TNRC18: variants seen among roughly 807,000 people sequenced by gnomAD.
TNRC18 encodes the protein trinucleotide repeat containing 18, also known as trinucleotide repeat-containing gene 18 protein.
TNRC18 carries 69 observed loss-of-function variants against 226.7 expected under a neutral mutation model. The observed-to-expected ratio is 0.30, with a 90% CI of 0.25 to 0.37. The LOEUF (loss-of-function observed/expected upper bound fraction) is 0.37, where lower values mean the gene tolerates loss of function less well. Among genes scored for constraint, TNRC18 ranks in the 10% least tolerant of loss-of-function variants. The pLI is 1.00. For missense variants in TNRC18, 4,754 were observed against 4,256.6 expected (o/e 1.12, Z -3.25); for synonymous variants, 2,449 against 1,927.6 (o/e 1.27, Z -7.09).
At chr7:5,363,731 G>A (rs374084074) in intron 11 of TNRC18, among the ~76,000 whole-genome samples, 25 of 152,152 alleles carry the variant, frequency 1.6e-4, no homozygotes, top group Admixed American at 1.0e-3. Flanking sequence ...AAAGACCGAA[G>A]GGTTCTTTCC....
In TNRC18 at chr7:5,316,042, A is replaced by G. The variant is rs991270078; in HGVS notation, c.6776T>C (p.Leu2259Ser). The change falls in exon 25 of 30, where the codon TTG becomes TCG. Residue 2259 changes from leucine to serine, a missense_variant. Transcript: ENST00000430969. The part of the protein sequence containing the change: ...GLLDLEDDGD[L>S]ITVEFDDGDT... ...TCCGTCGTCAAACTCCACGGTGATC[A>G]AGTCCCCATCGTCCTCCAGGTCCAG... 6.2e-7 allele frequency: 1 copy of G among 1,609,996 alleles called. No homozygotes were observed. Among genetic ancestry groups the G allele is most frequent in the African/African-American group, 1.3e-5 (1 of 74,618 alleles).
intron 2 of TNRC18, among the ~76,000 whole-genome samples, chr7:5,417,950 A>C (rs1453789149): frequency 2.0e-5 from 3 of 152,244 alleles, no homozygotes; most frequent in African/African-American, 7.2e-5. Context: ...TTGCCAAGCC[A>C]GAGTGCTAGC....
Position 5,404,763 on chromosome 7 carries a change from A to AGTGTGTGTGTGTGT in TNRC18, c.188-10182_188-10169dup, listed in dbSNP as rs57464872. On this transcript the variant is annotated intron_variant, in intron 2 of 29. Transcript: ENST00000430969. ...ACCCCAGCAGCGCATGCACACTTTC[A>AGTGTGTGTGTGTGT]GTGTGTGTGTGTGTGTGTGTGTGTG... 1.7e-3 allele frequency among the ~76,000 whole-genome samples: 248 copies of AGTGTGTGTGTGTGT among 147,228 alleles called. 3 individuals are homozygous for AGTGTGTGTGTGTGT. Among genetic ancestry groups the AGTGTGTGTGTGTGT allele is most frequent in the African/African-American group, 5.7e-3 (226 of 39,858 alleles).
At chr7:5,356,352 C>G (rs978652121) in intron 16 of TNRC18, among the ~76,000 whole-genome samples, 2 of 152,082 alleles carry the variant, frequency 1.3e-5, no homozygotes, top group African/African-American at 4.8e-5. Flanking sequence ...GTACCACTGT[C>G]AGAGCTGCCA....
Position 5,388,125 on chromosome 7 carries a change from G to C in TNRC18, c.1699C>G (p.Arg567Gly). 6.4e-7 allele frequency: 1 copy of C among 1,554,622 alleles called. No individual in the cohort carries two copies. Among genetic ancestry groups the C allele is most frequent in the Middle Eastern group, 1.7e-4 (1 of 5,988 alleles). The change falls in exon 5 of 30, where the codon CGG (arginine) becomes GGG (glycine). Residue 567 changes from arginine to glycine, a missense_variant. By Grantham distance (125) the Arg-to-Gly change is moderately radical. Transcript: ENST00000430969. ...VLPRSAATCG[R>G]PVADMHSAAH... The stretch of plus-strand genomic sequence containing the variant: ...GCAGAGTGCATGTCAGCGACCGGCC[G>C]GCCGCAGGTGGCCGCCGAGCGGGGC...
rs1008968854 is a variant in TNRC18, at chr7:5,387,950, G to A, written c.1874C>T (p.Pro625Leu). Residue 625 changes from proline (P) to leucine (L), a missense_variant, in exon 5 of 30, where the codon CCC becomes CTC. By Grantham distance (98) the Pro-to-Leu change is moderately conservative. Transcript: ENST00000430969. ...GLGTMKPEPA[P>L]TSAGASRAQA... ...GGCTCGGGAGGCACCCGCAGAGGTG[G>A]GCGCAGGCTCGGGTTTCATGGTGCC... 5.6e-6 allele frequency: 9 copies of A among 1,598,470 alleles called. No homozygotes were observed. The highest frequency in any genetic ancestry group is 6.8e-6 in the Non-Finnish European group (8 of 1,173,596).
At chr7:5,360,197 G>A (rs999875185) in intron 14 of TNRC18, among the ~76,000 whole-genome samples, 3 of 151,050 alleles carry the variant, frequency 2.0e-5, no homozygotes, top group East Asian at 3.9e-4. Flanking sequence ...GTTTGCTGCT[G>A]CTGTATTTTA....
Position 5,332,814 on chromosome 7 carries a change from C to A in TNRC18, c.5955G>T (p.Gly1985=), listed in dbSNP as rs1444218526. Residue 1985 remains glycine, a synonymous_variant, in exon 19 of 30, where the codon GGG becomes GGT. Coordinates refer to ENST00000430969, the MANE Select transcript of TNRC18 (RefSeq NM_001080495.3). ...RGPKEPGFEA[G]PEASDDDLWT... is the part of the protein sequence containing the mutation. ...ACAGGTCGTCGTCGCTGGCCTCGGG[C>A]CCCGCCTCGAAGCCAGGCTCCTTGG... The A allele has an allele frequency of 8.6e-6, 13 of 1,509,182 alleles. No homozygotes were observed. In the East Asian group the frequency reaches 3.3e-4, roughly 39 times the overall value. 93.5% of individuals were successfully genotyped at this position (1,509,182 alleles called of 1,614,324 possible).
intron 2 of TNRC18, chr7:5,420,537 C>G (rs779497465): frequency 2.5e-5 from 11 of 444,886 alleles, no homozygotes; most frequent in South Asian, 1.1e-4. Context: ...GGTCACCGTA[C>G]TCCCGCATCC....
rs762861755 is a variant in TNRC18, at chr7:5,370,787, GGGCACCGCCACA to G, written c.3795_3806del (p.Ala1267_Val1270del). On this transcript the variant is annotated inframe_deletion, in exon 11 of 30. Transcript: ENST00000430969. ...CTTCCTCGGGCACTGCCTCCACCAC[GGGCACCGCCACA>G]GGCACCTCCACCGGCTCCTCCTTGG... 1.2e-6 allele frequency: 2 copies of G among 1,604,330 alleles called. No homozygotes were observed. Among genetic ancestry groups the G allele is most frequent in the Admixed American group, 1.7e-5 (1 of 58,978 alleles).
intron 18 of TNRC18, 36 bp downstream of exon 18, chr7:5,345,518 CCCCTCCCA>C: frequency 1.2e-5 from 2 of 167,662 alleles, no homozygotes; most frequent in Non-Finnish European, 2.5e-5. Flanking sequence ...ATGGCGTCCG[CCCCTCCCA>C]CCCACCCCCA....
At chr7:5,402,592 G>A (rs1458939890) in intron 2 of TNRC18, among the ~76,000 whole-genome samples, 3 of 151,762 alleles carry the variant, frequency 2.0e-5, no homozygotes, top group Admixed American at 6.6e-5. Flanking sequence ...AGTGGCTCAC[G>A]CCTGTAATCC....
chr7:5,387,244 T>TCACTCATCCATCAAACA (rs1163494687), intron 5 of TNRC18, among the ~76,000 whole-genome samples: 5 of 152,220 alleles, frequency 3.3e-5, no homozygotes, highest in Non-Finnish European at 7.3e-5. Context: ...CCTCACTCAT[T>TCACTCATCCATCAAACA]CACTCATCCA....
At chr7:5,392,808 G>T (rs1421346518) in intron 3 of TNRC18, among the ~76,000 whole-genome samples, 1 of 152,084 alleles carries the variant, frequency 6.6e-6, no homozygotes, top group Non-Finnish European at 1.5e-5. Context: ...AGCAGTTCAA[G>T]ACCAGCCTGG....
intron 11 of TNRC18, among the ~76,000 whole-genome samples, 180 bp downstream of exon 11, chr7:5,370,195 C>A (rs1445271018): frequency 6.6e-6 from 1 of 151,996 alleles, no homozygotes; most frequent in Non-Finnish European, 1.5e-5. Flanking sequence ...TGGTGGTGGA[C>A]GCCTGTAGCC....
intron 11 of TNRC18, among the ~76,000 whole-genome samples, chr7:5,368,766 G>T (rs115268592): frequency 0.012 from 1,895 of 151,878 alleles, 41 homozygotes; most frequent in African/African-American, 0.043. Flanking sequence ...ATATGTGTAT[G>T]TGTGTTCTAG....
In TNRC18 at chr7:5,320,611, T is replaced by C. The variant is rs749807425; in HGVS notation, c.6561-4A>G. 7 of 1,610,966 alleles carry C rather than the reference T, an allele frequency of 4.3e-6. No individual in the cohort carries two copies. In the East Asian group the frequency reaches 1.1e-4, roughly 26 times the overall value. On this transcript the variant is annotated splice_polypyrimidine_tract_variant and splice_region_variant and intron_variant, in intron 22 of 29. Coordinates refer to ENST00000430969, the MANE Select transcript of TNRC18 (RefSeq NM_001080495.3). ...ACCCTCCACCACCACGCGGTATCTG[T>C]AGGAGCAAACGAGGCGTGAGGTGGC...
intron 19 of TNRC18, chr7:5,330,011 A>T: frequency 2.1e-6 from 1 of 471,052 alleles, no homozygotes; most frequent in Non-Finnish European, 4.4e-6. Context: ...GGAGGCTCAG[A>T]CACCCAAGGA....
chr7:5,399,871 GTC>G (rs1041385438), intron 2 of TNRC18, among the ~76,000 whole-genome samples: 30 of 131,060 alleles, frequency 2.3e-4, no homozygotes, highest in Admixed American at 2.1e-3. Flanking sequence ...CCCCCGCCCC[GTC>G]TCTACTATAA....
Sources: gnomAD v4.1 joint callset for allele counts (sites outside exome capture counted in the v4.1 genomes callset) on GRCh38, gnomAD v4.1.1 for gene constraint, MANE v1.5 for transcripts, NCBI Gene and HGNC (gene_info 2026-07-23, HGNC 2026-07-21) for gene names.